POR: variants seen among roughly 807,000 people sequenced by gnomAD.
POR encodes NADPH--cytochrome P450 reductase.
Under a neutral mutation model 84.0 loss-of-function variants are expected in POR, and 56 were observed. That is an observed-to-expected ratio of 0.67 (90% CI 0.54 to 0.83). The LOEUF is 0.83. POR is among the 40% of genes least tolerant of loss of function. The probability of loss-of-function intolerance (pLI) is 0.00; values close to 1 mark genes in which losing one functional copy is unlikely to be tolerated. For synonymous variants in POR, 414 were observed against 400.5 expected, an observed-to-expected ratio of 1.03 and a Z score of -0.40; for missense variants, 938 against 944.3, an observed-to-expected ratio of 0.99 and a Z score of 0.09.
chr7:75,972,972 G>A (rs189062431), intron 3 of POR, among the ~76,000 whole-genome samples: 2 of 151,758 alleles, frequency 1.3e-5, no homozygotes, highest in East Asian at 2.0e-4. Context: ...ACAGGTGCGT[G>A]CCACCACGCC....
intron 1 of POR, among the ~76,000 whole-genome samples, chr7:75,951,776 C>T (rs550102313): frequency 2.3e-4 from 35 of 152,374 alleles, no homozygotes; most frequent in African/African-American, 7.0e-4. Flanking sequence ...TGAGCCCAGC[C>T]TCCTTGGTAA....
rs1368664139 is a variant in POR at position 75,983,454 on chromosome 7, T to A, written c.831-66T>A. On this transcript the variant is annotated intron_variant, in intron 8 of 15. Transcript: ENST00000461988. The stretch of plus-strand genomic sequence containing the variant: ...CCTGTGCTTTGTGCAACCAGAAGCG[T>A]CCTTGGAGACGGAGACTCAGATCAA... The A allele has an allele frequency of 4.4e-5, 52 of 1,174,220 alleles. 1 individual carries two copies. Among genetic ancestry groups the A allele is most frequent in the East Asian group, 1.2e-4 (5 of 42,694 alleles). The allele number at this position is 1,174,220 out of a possible 1,614,324, so 72.7% of individuals were successfully genotyped here.
In POR at chr7:75,983,777, C is replaced by A; in HGVS notation, c.987C>A (p.Asn329Lys). The A allele has an allele frequency of 6.2e-7, 1 of 1,612,470 alleles. No individual in the cohort carries two copies. Among genetic ancestry groups the A allele is most frequent in the Non-Finnish European group, 8.5e-7 (1 of 1,179,710 alleles). ...ACCACGTGGCTGTGTACCCAGCCAA[C>A]GACTCTGCTCTCGTCAACCAGCTGG... The change falls in exon 10 of 16, where the codon AAC (asparagine) becomes AAA (lysine). Residue 329 changes from asparagine to lysine, a missense_variant. Transcript: ENST00000461988.
intron 1 of POR, among the ~76,000 whole-genome samples, chr7:75,948,930 G>A (rs1053784471): frequency 2.0e-5 from 3 of 152,184 alleles, no homozygotes; most frequent in Non-Finnish European, 4.4e-5. Flanking sequence ...GTTTCTCTGA[G>A]ATGGTGACAT....
intron 11 of POR, 25 bp from the exon 12 acceptor site, chr7:75,985,033 C>G: frequency 6.3e-7 from 1 of 1,586,246 alleles, no homozygotes; most frequent in African/African-American, 1.3e-5. Flanking sequence ...CCCAATCAGC[C>G]CCATCTCACC....
Position 75,965,336 on chromosome 7 carries a change from G to T in POR, c.189-7077G>T, listed in dbSNP as rs368642924. Among the ~76,000 whole-genome samples the T allele has an allele frequency of 3.3e-5, 5 of 152,320 alleles. No homozygotes were observed. The East Asian group carries it at 5.8e-4, about 18-fold the overall frequency. ...CTGGGACCCTCATCACCCACCAGAG[G>T]TGATGTTCTTATCTCCATTTTACAA... On this transcript the variant is annotated intron_variant, in intron 2 of 15. Coordinates refer to ENST00000461988, the MANE Select transcript of POR (RefSeq NM_000941.3).
intron 1 of POR, among the ~76,000 whole-genome samples, chr7:75,939,623 G>C (rs1159831116): frequency 7.2e-6 from 1 of 138,802 alleles, no homozygotes; most frequent in African/African-American, 2.7e-5. Context: ...TTTTTTTTTC[G>C]AGACAGAGTC....
At chr7:75,921,771 G>A (rs1337450116) in intron 1 of POR, among the ~76,000 whole-genome samples, 1 of 151,086 alleles carries the variant, frequency 6.6e-6, no homozygotes, top group East Asian at 2.0e-4. Flanking sequence ...GCAGTGGCAC[G>A]ATTTGGCTCA....
In POR at chr7:75,979,465, C is replaced by T. The variant is rs782768141; in HGVS notation, c.252C>T (p.Ile84=). The T allele has an allele frequency of 9.9e-6, 16 of 1,613,150 alleles. No individual in the cohort carries two copies. The highest frequency in any genetic ancestry group is 6.7e-5 in the East Asian group (3 of 44,876). ...GCCTTCCTTAGGGGAGGAACATCAT[C>T]GTGTTCTACGGCTCCCAGACGGGGA... The change falls in exon 4 of 16, where the codon ATC becomes ATT. Residue 84 remains isoleucine, a synonymous_variant. Coordinates refer to ENST00000461988, the MANE Select transcript of POR (RefSeq NM_000941.3).
intron 1 of POR, among the ~76,000 whole-genome samples, chr7:75,917,872 GCCAATT>G (rs1484598471): frequency 6.6e-6 from 1 of 152,158 alleles, no homozygotes; most frequent in Admixed American, 6.6e-5. Flanking sequence ...ACTTTCAAAT[GCCAATT>G]CTAGGCTGGG....
At chr7:75,935,780 T>C (rs1807647841) in intron 1 of POR, among the ~76,000 whole-genome samples, 1 of 151,984 alleles carries the variant, frequency 6.6e-6, no homozygotes, top group African/African-American at 2.4e-5. Context: ...ATTTGGTTGG[T>C]CTGTTCCCAG....
intron 1 of POR, among the ~76,000 whole-genome samples, chr7:75,925,529 A>AT (rs1197806624): frequency 5.9e-5 from 9 of 152,138 alleles, no homozygotes; most frequent in Non-Finnish European, 7.4e-5. Context: ...CATCTCTTAA[A>AT]TTTTTTTTAA....
rs74764960 is a variant in POR at position 75,925,613 on chromosome 7, A to G, written c.-5+10434A>G. Among the ~76,000 whole-genome samples, 355 of 152,282 alleles carry G rather than the reference A, an allele frequency of 2.3e-3. 1 individual carries two copies. The highest frequency in any genetic ancestry group is 4.5e-3 in the Non-Finnish European group (304 of 68,022). ...TGGTCAGCAGCCCATGTACTCAGCA[A>G]GTATTTGTAGAGCACCACGTATGTG... is the stretch of plus-strand genomic sequence containing the variant. On this transcript the variant is annotated intron_variant, in intron 1 of 15. Coordinates refer to ENST00000461988, the MANE Select transcript of POR (RefSeq NM_000941.3).
intron 2 of POR, among the ~76,000 whole-genome samples, chr7:75,960,303 AT>A (rs1787881790): frequency 6.6e-6 from 1 of 150,470 alleles, no homozygotes; most frequent in Non-Finnish European, 1.5e-5. Context: ...AATAATAATA[AT>A]AATAATAATA....
intron 1 of POR, among the ~76,000 whole-genome samples, chr7:75,951,744 G>A (rs1322497336): frequency 1.3e-5 from 2 of 152,248 alleles, no homozygotes; most frequent in East Asian, 3.9e-4. Context: ...ATTGCAAAAT[G>A]GAATAGTGTG....
chr7:75,933,390 T>TTTG (rs2116289561), intron 1 of POR, among the ~76,000 whole-genome samples: 1 of 91,108 alleles, frequency 1.1e-5, no homozygotes, highest in African/African-American at 8.6e-5. Context: ...TTTTTTTTTT[T>TTTG]TTTTTTTTTT....
At chr7:75,930,021 G>C (rs1351980752) in intron 1 of POR, among the ~76,000 whole-genome samples, 2 of 152,168 alleles carry the variant, frequency 1.3e-5, no homozygotes, top group East Asian at 1.9e-4. Context: ...CCCTCTGTAA[G>C]TTGTGGGAAT....
intron 12 of POR, 53 bp from the exon 13 acceptor site, chr7:75,985,526 G>A (rs1789384516): frequency 1.4e-6 from 2 of 1,468,600 alleles, no homozygotes; most frequent in Non-Finnish European, 9.0e-7. Flanking sequence ...TTGGGGCCGG[G>A]GCTGGGCAAG....
intron 12 of POR, 140 bp downstream of exon 12, chr7:75,985,347 C>T (rs2116627394): frequency 8.1e-7 from 1 of 1,230,588 alleles, no homozygotes; most frequent in East Asian, 2.6e-5. Context: ...CCAAATGCCT[C>T]CCCAGGCTGT....
Sources: gnomAD v4.1 joint callset for allele counts (sites outside exome capture counted in the v4.1 genomes callset) on GRCh38, gnomAD v4.1.1 for gene constraint, MANE v1.5 for transcripts, NCBI Gene and HGNC (gene_info 2026-07-23, HGNC 2026-07-21) for gene names.